TAX1BP1: variants seen among roughly 807,000 people sequenced by gnomAD.
TAX1BP1 encodes the protein tax1-binding protein 1.
In TAX1BP1, 62 loss-of-function variants were observed where a neutral mutation model predicts 97.7. The observed-to-expected ratio is 0.63, with a 90% CI of 0.52 to 0.78. The LOEUF is 0.78. TAX1BP1 is among the 30% of genes least tolerant of loss of function. The probability of loss-of-function intolerance (pLI) is 0.00; values close to 1 mark genes in which losing one functional copy is unlikely to be tolerated. For synonymous variants in TAX1BP1, 340 were observed against 304.2 expected (o/e 1.12, Z -1.23); for missense variants, 867 against 916.1 (o/e 0.95, Z 0.69).
chr7:27,765,295 C>T (rs937180160), intron 3 of TAX1BP1, among the ~76,000 whole-genome samples: 2 of 152,022 alleles, frequency 1.3e-5, no homozygotes, highest in East Asian at 2.0e-4. Context: ...GCTGGGATTA[C>T]AGGCATGAGC....
chr7:27,744,847 CATT>C (rs1365967950), intron 1 of TAX1BP1, among the ~76,000 whole-genome samples: 3 of 151,982 alleles, frequency 2.0e-5, no homozygotes, highest in Non-Finnish European at 4.4e-5. Context: ...TTTTTATAGA[CATT>C]AATGCATTCG....
At chr7:27,754,493 T>G (rs1788137012) in intron 2 of TAX1BP1, among the ~76,000 whole-genome samples, 1 of 151,410 alleles carries the variant, frequency 6.6e-6, no homozygotes, top group Admixed American at 6.6e-5. Flanking sequence ...ATATCAATGG[T>G]TAGCACTGTT....
chr7:27,746,834 A>G (rs768795073), intron 1 of TAX1BP1, among the ~76,000 whole-genome samples: 21 of 152,158 alleles, frequency 1.4e-4, no homozygotes, highest in Admixed American at 4.6e-4. Context: ...TATCCATTAT[A>G]TTCAGTAAAG....
Position 27,796,198 on chromosome 7 carries a change from T to C in TAX1BP1, c.1617T>C (p.Asn539=). ...TTGCTGACAAAACAGAAAAGTATAA[T>C]AAATGTAAACAACTCTTGCAGGTAA... ...KEIADKTEKY[N]KCKQLLQDEK... The change falls in exon 12 of 17, where the codon AAT becomes AAC. Residue 539 remains asparagine, a synonymous_variant. Coordinates refer to ENST00000396319, the MANE Select transcript of TAX1BP1 (RefSeq NM_006024.7). 2 of 1,588,876 alleles carry C rather than the reference T, an allele frequency of 1.3e-6. No homozygotes were observed. The highest frequency in any genetic ancestry group is 8.5e-7 in the Non-Finnish European group (1 of 1,173,040).
Position 27,796,108 on chromosome 7 carries a change from T to G in TAX1BP1, c.1535-8T>G. The G allele has an allele frequency of 1.2e-6, 2 of 1,602,476 alleles. No homozygotes were observed. The highest frequency in any genetic ancestry group is 8.5e-7 in the Non-Finnish European group (1 of 1,175,016). ...TTTTTAACAGTCTTATATTCTGCCT[T>G]TCTACAGCAGAGGCAGATTTTGACA... On this transcript the variant is annotated splice_polypyrimidine_tract_variant and splice_region_variant and intron_variant, in intron 11 of 16. Coordinates refer to ENST00000396319, the MANE Select transcript of TAX1BP1 (RefSeq NM_006024.7).
intron 11 of TAX1BP1, 145 bp from the exon 12 acceptor site, chr7:27,795,971 A>T (rs1165710344): frequency 1.2e-5 from 7 of 593,848 alleles, no homozygotes; most frequent in Non-Finnish European, 2.1e-5. Context: ...TTCTTTGTAT[A>T]TCTAGGATAT....
Position 27,828,863 on chromosome 7 carries a change from G to GGA in TAX1BP1, c.*34_*35insGA, listed in dbSNP as rs1554326085. On this transcript the variant is annotated 3_prime_UTR_variant, in exon 17 of 17. Transcript: ENST00000396319. ...TATTATGAGTTAATATAGTTTAGCA[G>GGA]TAAAAAAAAAAAAAAAAACCACACC... The GGA allele has an allele frequency of 1.4e-6, 1 of 714,028 alleles. No homozygotes were observed. The highest frequency in any genetic ancestry group is 2.1e-6 in the Non-Finnish European group (1 of 484,760). The allele number at this position is 714,028 out of a possible 1,614,324, so 44.2% of individuals were successfully genotyped here. A position where few individuals can be genotyped will look rare whatever the true frequency, so the allele number is the denominator to read the frequency against.
chr7:27,774,859 G>T (rs558859029), intron 5 of TAX1BP1, among the ~76,000 whole-genome samples: 1 of 152,046 alleles, frequency 6.6e-6, no homozygotes, highest in African/African-American at 2.4e-5. Context: ...GCTAACAAAT[G>T]AATTGAAAGA....
At chr7:27,814,250 G>A (rs1202766918) in intron 13 of TAX1BP1, among the ~76,000 whole-genome samples, 1 of 152,052 alleles carries the variant, frequency 6.6e-6, no homozygotes, top group East Asian at 1.9e-4. Flanking sequence ...TCTTTTGAAT[G>A]CCTTTCTTGT....
At chr7:27,808,060 G>T (rs1790408845) in intron 13 of TAX1BP1, among the ~76,000 whole-genome samples, 2 of 152,002 alleles carry the variant, frequency 1.3e-5, no homozygotes, top group Non-Finnish European at 2.9e-5. Flanking sequence ...TTATTTTCCT[G>T]CCCCAGCCTG....
At chr7:27,792,303 GTTA>G in intron 9 of TAX1BP1, 73 bp downstream of exon 9, 1 of 1,338,512 alleles carries the variant, frequency 7.5e-7, no homozygotes, top group South Asian at 1.3e-5. Flanking sequence ...AGTAAATTGT[GTTA>G]AGATAAGACA....
intron 14 of TAX1BP1, 29 bp downstream of exon 14, chr7:27,816,549 A>G: frequency 6.7e-7 from 1 of 1,503,670 alleles, no homozygotes; most frequent in Non-Finnish European, 8.8e-7. Context: ...GTTTGGGATT[A>G]GCTGCATCTG....
chr7:27,752,333 T>C (rs768361124), intron 2 of TAX1BP1, among the ~76,000 whole-genome samples: 1 of 152,154 alleles, frequency 6.6e-6, no homozygotes, highest in Non-Finnish European at 1.5e-5. Context: ...GTATAGATAA[T>C]TGGTCTTGCT....
chr7:27,804,243 A>T (rs1467915871), intron 13 of TAX1BP1, among the ~76,000 whole-genome samples: 1 of 152,220 alleles, frequency 6.6e-6, no homozygotes, highest in Non-Finnish European at 1.5e-5. Context: ...GATGTTACAA[A>T]ATCATGTATC....
chr7:27,803,383 C>G (rs1052487745), intron 13 of TAX1BP1, among the ~76,000 whole-genome samples: 2 of 152,172 alleles, frequency 1.3e-5, no homozygotes, highest in African/African-American at 4.8e-5. Context: ...TAATGACTTA[C>G]AGCAAAACCT....
At chr7:27,763,250 C>G (rs1383610234) in intron 3 of TAX1BP1, among the ~76,000 whole-genome samples, 1 of 151,972 alleles carries the variant, frequency 6.6e-6, no homozygotes, top group Non-Finnish European at 1.5e-5. Flanking sequence ...CTAAATGAAC[C>G]CTTATTTATT....
chr7:27,785,625 A>G (rs923082583), intron 7 of TAX1BP1, 136 bp downstream of exon 7: 8 of 705,332 alleles, frequency 1.1e-5, no homozygotes, highest in Non-Finnish European at 1.9e-5. Context: ...AGTTGCAGTC[A>G]GGATGTTGGC....
intron 13 of TAX1BP1, among the ~76,000 whole-genome samples, chr7:27,806,814 T>C (rs1790359334): frequency 1.3e-5 from 2 of 152,184 alleles, no homozygotes; most frequent in Admixed American, 1.3e-4. Context: ...TTTATTGATA[T>C]TGCATTAAGT....
intron 12 of TAX1BP1, among the ~76,000 whole-genome samples, chr7:27,798,166 T>A (rs545713239): frequency 1.3e-4 from 20 of 152,340 alleles, no homozygotes; most frequent in Admixed American, 1.0e-3. Context: ...TATTATTGCA[T>A]ATATTTATTC....
Sources: gnomAD v4.1 joint callset for allele counts (sites outside exome capture counted in the v4.1 genomes callset) on GRCh38, gnomAD v4.1.1 for gene constraint, MANE v1.5 for transcripts, NCBI Gene and HGNC (gene_info 2026-07-23, HGNC 2026-07-21) for gene names.